Variants in DLGAP1 observed in about 807,000 individuals in gnomAD.
DLGAP1 encodes disks large-associated protein 1.
In DLGAP1, 11 loss-of-function variants were observed where a neutral mutation model predicts 90.8. The ratio of observed to expected loss-of-function variants is 0.12; its 90% CI spans 0.08 to 0.20. DLGAP1 has a LOEUF of 0.20. Ranked by LOEUF, DLGAP1 falls within the 10% of genes least tolerant of loss-of-function variation. The probability of loss-of-function intolerance (pLI) is 1.00; values close to 1 mark genes in which losing one functional copy is unlikely to be tolerated. For missense variants in DLGAP1, 1,050 were observed against 1,333.8 expected (o/e 0.79, Z 3.31); for synonymous variants, 558 against 540.7 (o/e 1.03, Z -0.44).
chr18:4,087,757 A>G (rs983884182), intron 2 of DLGAP1, among the ~76,000 whole-genome samples: 1 of 152,140 alleles, frequency 6.6e-6, no homozygotes, highest in Non-Finnish European at 1.5e-5. Context: ...TTTATATGCT[A>G]TATATATTTA....
At chr18:4,409,203 T>C (rs1430333023) in intron 1 of DLGAP1, among the ~76,000 whole-genome samples, 1 of 152,100 alleles carries the variant, frequency 6.6e-6, no homozygotes, top group Non-Finnish European at 1.5e-5. Flanking sequence ...CTGACAGTAT[T>C]CCATTTTTCT....
At chr18:3,920,651 C>A (rs1397656590) in intron 3 of DLGAP1, among the ~76,000 whole-genome samples, 1 of 152,094 alleles carries the variant, frequency 6.6e-6, no homozygotes, top group Admixed American at 6.5e-5. Context: ...TCAGTTAGGG[C>A]GAAACTCTCT....
At chr18:3,788,354 T>C (rs1340801552) in intron 5 of DLGAP1, among the ~76,000 whole-genome samples, 3 of 152,136 alleles carry the variant, frequency 2.0e-5, no homozygotes, top group African/African-American at 2.4e-5. Context: ...AAGCTAGATG[T>C]TTTTGCCTCA....
intron 3 of DLGAP1, among the ~76,000 whole-genome samples, chr18:3,960,506 C>T (rs1352260940): frequency 2.0e-5 from 3 of 152,106 alleles, no homozygotes; most frequent in South Asian, 2.1e-4. Context: ...TTTGAGGCTG[C>T]GGCTATGATT....
chr18:3,845,921 CAATT>C (rs914502482), intron 4 of DLGAP1, among the ~76,000 whole-genome samples: 3 of 152,180 alleles, frequency 2.0e-5, no homozygotes, highest in African/African-American at 7.2e-5. Flanking sequence ...TACTTCTCAA[CAATT>C]CATTCATTTT....
At chr18:4,304,568 T>C (rs1334877009) in intron 1 of DLGAP1, among the ~76,000 whole-genome samples, 1 of 152,254 alleles carries the variant, frequency 6.6e-6, no homozygotes, top group Non-Finnish European at 1.5e-5. Context: ...ATTGTTAATA[T>C]TGCAGAAGCT....
In DLGAP1 at chr18:4,167,953, G is replaced by A. The variant is rs141479606; in HGVS notation, c.-266-16666C>T. ...GAAATAAAAGAAGATTGAAATAAAT[G>A]GAAAGACATATTGCATTCATGGATT... On this transcript the variant is annotated intron_variant, in intron 1 of 12. Coordinates refer to ENST00000315677, the MANE Select transcript of DLGAP1 (RefSeq NM_004746.4). Among the ~76,000 whole-genome samples the A allele has an allele frequency of 1.2e-4, 18 of 152,212 alleles. No homozygotes were observed. In the East Asian group the frequency reaches 3.5e-3, roughly 29 times the overall value.
At chr18:3,720,378 T>G (rs1254316029) in intron 7 of DLGAP1, among the ~76,000 whole-genome samples, 5 of 152,242 alleles carry the variant, frequency 3.3e-5, no homozygotes, top group Non-Finnish European at 7.3e-5. Flanking sequence ...AGTTACATGA[T>G]CATTGATTTG....
At chr18:4,015,412 T>TGTG (rs2074505158) in intron 2 of DLGAP1, among the ~76,000 whole-genome samples, 1 of 152,192 alleles carries the variant, frequency 6.6e-6, no homozygotes, top group Non-Finnish European at 1.5e-5. Context: ...AGGAAGCTGC[T>TGTG]GGGCCACGGG....
chr18:3,535,399 G>T (rs1008907196), intron 9 of DLGAP1, among the ~76,000 whole-genome samples: 5 of 152,060 alleles, frequency 3.3e-5, no homozygotes, highest in Non-Finnish European at 4.4e-5. Flanking sequence ...CTTAGTCGGG[G>T]TAATTTGCTT....
At chr18:3,607,098 G>T (rs1473913253) in intron 7 of DLGAP1, 1 of 152,272 alleles carries the variant, frequency 6.6e-6, no homozygotes, top group African/African-American at 2.4e-5. Flanking sequence ...CTCCCAGAGT[G>T]CTGGGATTAG....
chr18:3,593,494 A>T (rs1210344061), intron 7 of DLGAP1, among the ~76,000 whole-genome samples: 1 of 152,218 alleles, frequency 6.6e-6, no homozygotes, highest in Admixed American at 6.5e-5. Context: ...AAGGTATCCC[A>T]CAGTCTTCTC....
At chr18:3,780,525 T>TTCC (rs34673922) in intron 5 of DLGAP1, among the ~76,000 whole-genome samples, 1 of 132,230 alleles carries the variant, frequency 7.6e-6, no homozygotes, top group African/African-American at 3.4e-5. Flanking sequence ...TCTGTCCAGG[T>TTCC]CCCCCTCCAA....
intron 8 of DLGAP1, among the ~76,000 whole-genome samples, chr18:3,572,814 C>CAAAGGCTT (rs2054890447): frequency 6.6e-6 from 1 of 152,140 alleles, no homozygotes; most frequent in Non-Finnish European, 1.5e-5. Flanking sequence ...CTGATTTTTA[C>CAAAGGCTT]CAAATGCAAT....
intron 1 of DLGAP1, among the ~76,000 whole-genome samples, chr18:4,369,531 G>A (rs947532417): frequency 2.0e-5 from 3 of 151,796 alleles, no homozygotes; most frequent in African/African-American, 4.8e-5. Context: ...TCAATCTAAG[G>A]ACCTTGTCTT....
chr18:3,613,984 G>A (rs745567429), intron 7 of DLGAP1, among the ~76,000 whole-genome samples: 7 of 151,816 alleles, frequency 4.6e-5, no homozygotes, highest in Non-Finnish European at 1.0e-4. Context: ...GTGAAGTGGC[G>A]CGATCTCAGC....
chr18:3,840,936 G>A (rs534169785), intron 4 of DLGAP1, among the ~76,000 whole-genome samples: 1 of 152,136 alleles, frequency 6.6e-6, no homozygotes, highest in Non-Finnish European at 1.5e-5. Flanking sequence ...TCTGTGTTCT[G>A]GTTTGAATTA....
At chr18:3,602,535 C>A (rs575337482) in intron 7 of DLGAP1, among the ~76,000 whole-genome samples, 1 of 135,744 alleles carries the variant, frequency 7.4e-6, no homozygotes, top group East Asian at 2.2e-4. Flanking sequence ...GCGGAGCTTG[C>A]AGGGAGCCGA....
chr18:3,950,828 T>G (rs931069928), intron 3 of DLGAP1, among the ~76,000 whole-genome samples: 5 of 152,216 alleles, frequency 3.3e-5, no homozygotes, highest in African/African-American at 1.2e-4. Context: ...CTAATTGTAG[T>G]GTTACAATAA....
Sources: allele counts gnomAD v4.1 joint callset (sites outside exome capture counted in the v4.1 genomes callset), GRCh38; gene constraint gnomAD v4.1.1; transcripts MANE v1.5; gene names NCBI Gene and HGNC (gene_info 2026-07-23, HGNC 2026-07-21).